The following WNK1 variants were observed in gnomAD, a reference collection of about 807,000 sequenced individuals.
WNK1 encodes the protein WNK lysine deficient protein kinase 1, also known as serine/threonine-protein kinase WNK1.
A neutral mutation model predicts 222.8 loss-of-function variants in WNK1; 38 were observed. That is an observed-to-expected ratio of 0.17 (90% CI 0.13 to 0.22). The LOEUF (loss-of-function observed/expected upper bound fraction) is 0.22, where lower values mean the gene tolerates loss of function less well. Among genes scored for constraint, WNK1 ranks in the 10% least tolerant of loss-of-function variants. WNK1 has a pLI of 1.00. For missense variants in WNK1, 2,348 were observed against 2,918.4 expected (o/e 0.80, Z 4.50); for synonymous variants, 1,090 against 1,092.9 (o/e 1.00, Z 0.05).
chr12:900,328 A>T, intron 25 of WNK1, 148 bp from the exon 26 acceptor site: 1 of 808,306 alleles, frequency 1.2e-6, no homozygotes, highest in Non-Finnish European at 2.1e-6. Context: ...TTCTCCCGTT[A>T]GTGAGGACTT....
chr12:863,116 C>T (rs1282908566), intron 8 of WNK1, among the ~76,000 whole-genome samples: 2 of 152,150 alleles, frequency 1.3e-5, no homozygotes, highest in Non-Finnish European at 2.9e-5. Context: ...TGTCACTGTA[C>T]AGCACTTGTT....
In WNK1 at chr12:885,379, C is replaced by T. The variant is rs577520430; in HGVS notation, c.4575C>T (p.Ser1525=). 5.9e-5 allele frequency: 96 copies of T among 1,613,658 alleles called. No homozygotes were observed. In the South Asian group the frequency reaches 6.0e-4, roughly 10 times the overall value. The change falls in exon 19 of 28, where the codon AGC becomes AGT. Residue 1525 remains serine (S), a synonymous_variant. Transcript: ENST00000315939. ...TPTLAETVVV[S]AHSLDKTSHS... ...CTTTAGCTGAAACCGTGGTAGTTAG[C>T]GCACACTCACTAGATAAGACATCTC...
chr12:877,988 T>A, intron 9 of WNK1: 1 of 572,652 alleles, frequency 1.7e-6, no homozygotes. Context: ...AATGGTAACT[T>A]GAGTATTAAA....
intron 8 of WNK1, chr12:868,579 G>T: frequency 1.9e-6 from 3 of 1,613,856 alleles, no homozygotes; most frequent in Middle Eastern, 1.6e-4. Context: ...CTCATTCTGC[G>T]CCTGCTGTGT....
intron 9 of WNK1, among the ~76,000 whole-genome samples, chr12:872,227 G>T (rs765533913): frequency 1.3e-5 from 2 of 152,186 alleles, no homozygotes; most frequent in Non-Finnish European, 2.9e-5. Context: ...CCAGGTTCAA[G>T]CTATTCTCAC....
At chr12:819,135 T>G (rs1947630116) in intron 2 of WNK1, among the ~76,000 whole-genome samples, 1 of 152,246 alleles carries the variant, frequency 6.6e-6, no homozygotes, top group Admixed American at 6.5e-5. Context: ...TTATTGGCTA[T>G]TTGTGTATCT....
intron 1 of WNK1, among the ~76,000 whole-genome samples, chr12:782,950 T>C (rs1431273819): frequency 6.6e-6 from 1 of 151,590 alleles, no homozygotes; most frequent in Non-Finnish European, 1.5e-5. Context: ...CAGGCTGGAG[T>C]GCAGTGAGTG....
intron 23 of WNK1, 81 bp from the exon 24 acceptor site, chr12:895,990 T>C: frequency 6.3e-7 from 1 of 1,581,656 alleles, no homozygotes; most frequent in African/African-American, 1.3e-5. Flanking sequence ...AAAGTGATTC[T>C]TTTTTTCCTT....
chr12:880,635 T>C (rs1953059642), intron 11 of WNK1, 86 bp from the exon 12 acceptor site: 3 of 58,424 alleles, frequency 5.1e-5, no homozygotes, highest in Non-Finnish European at 1.1e-4. Flanking sequence ...TGTGTGCTTC[T>C]TTTTTTTTTT....
At chr12:903,027 G>A (rs1469300045) in intron 26 of WNK1, among the ~76,000 whole-genome samples, 3 of 152,190 alleles carry the variant, frequency 2.0e-5, no homozygotes, top group African/African-American at 7.2e-5. Flanking sequence ...GCCTCTTCAC[G>A]GTGGGAAGAA....
intron 1 of WNK1, among the ~76,000 whole-genome samples, chr12:781,680 AAAATCTT>A (rs1204205877): frequency 1.3e-5 from 2 of 152,240 alleles, no homozygotes; most frequent in African/African-American, 4.8e-5. Flanking sequence ...AATGGCACTA[AAAATCTT>A]CAGAACCTTT....
At chr12:784,779 G>A (rs995935429) in intron 1 of WNK1, among the ~76,000 whole-genome samples, 1 of 152,162 alleles carries the variant, frequency 6.6e-6, no homozygotes, top group Non-Finnish European at 1.5e-5. Context: ...TGATGCTTAG[G>A]TTGGGGATCT....
chr12:833,234 A>G (rs1948939982), intron 4 of WNK1, among the ~76,000 whole-genome samples: 1 of 152,092 alleles, frequency 6.6e-6, no homozygotes, highest in Admixed American at 6.5e-5. Context: ...CATCTTCCTT[A>G]CTGCACACCT....
rs189116976 is a variant in WNK1, at chr12:831,635, T to C, written c.1311+1475T>C. 4.2e-4 allele frequency among the ~76,000 whole-genome samples: 64 copies of C among 152,296 alleles called. 1 individual carries two copies. The East Asian group carries it at 0.012, about 28-fold the overall frequency. On this transcript the variant is annotated intron_variant, in intron 4 of 27. Transcript: ENST00000315939. ...ACCAGTCTTATCACTAAATTTTTCT[T>C]GTTTTGGAAAATACTGACTTTTTAA...
At position 862,164 on chromosome 12, in the gene WNK1, G is replaced by A; in HGVS notation, c.2033G>A (p.Gly678Asp). ...RVSSQQTVSYGSQHEQAHSTG... is the reference protein window; with the variant it reads ...RVSSQQTVSYDSQHEQAHSTG... Reference sequence around the variant, plus strand: ...AGCAGCCAACAGACAGTTTCATATGGTTCCCAACATGAACAGGCACATTCT... The same window carrying A: ...AGCAGCCAACAGACAGTTTCATATGATTCCCAACATGAACAGGCACATTCT... The change falls in exon 8 of 28, where the codon GGT becomes GAT. Residue 678 changes from glycine to aspartate, a missense_variant. Gly to Asp is a moderately conservative substitution (Grantham distance 94). Transcript: ENST00000315939. 6.2e-7 allele frequency: 1 copy of A among 1,613,998 alleles called. No individual in the cohort carries two copies. The highest frequency in any genetic ancestry group is 1.1e-5 in the South Asian group (1 of 91,070).
intron 4 of WNK1, among the ~76,000 whole-genome samples, chr12:832,544 A>G (rs1173283311): frequency 3.3e-5 from 5 of 152,186 alleles, no homozygotes; most frequent in African/African-American, 1.2e-4. Flanking sequence ...GTTGATGGAT[A>G]TGGAGCTACT....
intron 26 of WNK1, among the ~76,000 whole-genome samples, chr12:907,024 T>TCAAAAAAAAAAAA (rs547934991): frequency 2.1e-5 from 1 of 47,422 alleles, no homozygotes. Flanking sequence ...ACCCTTCCTT[T>TCAAAAAAAAAAAA]AAAAAAAAAA....
intron 4 of WNK1, among the ~76,000 whole-genome samples, chr12:848,648 G>A (rs184116574): frequency 6.5e-4 from 99 of 151,862 alleles, no homozygotes; most frequent in African/African-American, 2.4e-3. Context: ...AATATTGTGG[G>A]GGAAGAAGCA....
At chr12:899,226 G>T (rs145455028) in intron 25 of WNK1, among the ~76,000 whole-genome samples, 697 of 152,324 alleles carry the variant, frequency 4.6e-3, no homozygotes, top group Non-Finnish European at 7.2e-3. Flanking sequence ...ATTAGGGCCA[G>T]TTCATGCAGC....
Sources: gnomAD v4.1 joint callset for allele counts (sites outside exome capture counted in the v4.1 genomes callset) on GRCh38, gnomAD v4.1.1 for gene constraint, MANE v1.5 for transcripts, NCBI Gene and HGNC (gene_info 2026-07-23, HGNC 2026-07-21) for gene names.